AGXT2: variants seen among roughly 807,000 people sequenced by gnomAD.
AGXT2 encodes the protein alanine--glyoxylate aminotransferase 2, mitochondrial.
Under a neutral mutation model 62.5 loss-of-function variants are expected in AGXT2, and 61 were observed. The ratio of observed to expected loss-of-function variants is 0.98; its 90% CI spans 0.79 to 1.21. AGXT2 has a LOEUF of 1.21. Among genes scored for constraint, AGXT2 ranks in the 50% most tolerant of loss-of-function variants. The probability of loss-of-function intolerance (pLI) is 0.00; values close to 1 mark genes in which losing one functional copy is unlikely to be tolerated. For synonymous variants in AGXT2, 243 were observed against 218.7 expected (o/e 1.11, Z -0.98); for missense variants, 666 against 641.5 (o/e 1.04, Z -0.41).
intron 9 of AGXT2, among the ~76,000 whole-genome samples, chr5:35,023,649 A>T (rs1194015733): frequency 6.6e-6 from 1 of 152,046 alleles, no homozygotes; most frequent in Non-Finnish European, 1.5e-5. Context: ...TCATTTTTTT[A>T]AAGTAGCAGA....
chr5:35,043,924 T>G (rs1768088056), intron 1 of AGXT2, among the ~76,000 whole-genome samples: 1 of 152,138 alleles, frequency 6.6e-6, no homozygotes, highest in Non-Finnish European at 1.5e-5. Context: ...ACTTGTGAGA[T>G]CAAGCCATCT....
chr5:35,033,059 G>A (rs1394261814), intron 6 of AGXT2: 1 of 534,836 alleles, frequency 1.9e-6, no homozygotes, highest in Non-Finnish European at 3.4e-6. Flanking sequence ...GAAACAGCTT[G>A]CTCAAGGGTG....
chr5:35,040,476 C>A (rs1767942251), intron 2 of AGXT2, 99 bp downstream of exon 2: 6 of 1,136,202 alleles, frequency 5.3e-6, no homozygotes, highest in Admixed American at 5.2e-5. Flanking sequence ...AGTTTAGTGG[C>A]AAGCAGGGCT....
chr5:35,003,720 A>G, intron 13 of AGXT2, 43 bp downstream of exon 13: 1 of 1,531,820 alleles, frequency 6.5e-7, no homozygotes, highest in Non-Finnish European at 9.0e-7. Context: ...AATCAGAGAG[A>G]CTCCTACCTA....
chr5:35,041,475 C>T (rs1767989273), intron 1 of AGXT2, among the ~76,000 whole-genome samples: 1 of 152,142 alleles, frequency 6.6e-6, no homozygotes, highest in African/African-American at 2.4e-5. Flanking sequence ...CTGTTTTGCT[C>T]ATTCCTCAAC....
intron 1 of AGXT2, among the ~76,000 whole-genome samples, chr5:35,044,021 T>C (rs537618671): frequency 6.6e-6 from 1 of 152,292 alleles, no homozygotes; most frequent in African/African-American, 2.4e-5. Flanking sequence ...CATTTCTGTA[T>C]AGCATCTTAG....
intron 12 of AGXT2, among the ~76,000 whole-genome samples, chr5:35,005,822 G>A (rs1349441150): frequency 6.6e-6 from 1 of 152,028 alleles, no homozygotes; most frequent in Non-Finnish European, 1.5e-5. Context: ...ATGGACCATC[G>A]TGTTTATCTC....
intron 5 of AGXT2, 38 bp downstream of exon 5, chr5:35,035,184 C>A: frequency 6.5e-7 from 1 of 1,527,170 alleles, no homozygotes; most frequent in South Asian, 1.1e-5. Flanking sequence ...GGGGGTAAGT[C>A]AGTGTTCCTA....
At chr5:35,039,547 A>G (rs1340616320) in intron 2 of AGXT2, 39 bp from the exon 3 acceptor site, 1 of 1,596,320 alleles carries the variant, frequency 6.3e-7, no homozygotes, top group Non-Finnish European at 8.6e-7. Flanking sequence ...CACTTCTTAC[A>G]AGATCAATAG....
intron 11 of AGXT2, among the ~76,000 whole-genome samples, chr5:35,010,383 A>T (rs1766586656): frequency 6.6e-6 from 1 of 152,192 alleles, no homozygotes; most frequent in Non-Finnish European, 1.5e-5. Flanking sequence ...GTGGCTAAGT[A>T]TTTAGGAAAT....
Position 35,032,838 on chromosome 5 carries a change from A to G in AGXT2, c.676-13T>C, listed in dbSNP as rs1308530684. On this transcript the variant is annotated splice_polypyrimidine_tract_variant and intron_variant, in intron 6 of 13. Coordinates refer to ENST00000231420, the MANE Select transcript of AGXT2 (RefSeq NM_031900.4). Reference sequence around the variant, plus strand: ...CTGGACACATTGTCTGCAAATGACAAAAGAAGGAGTGTGGCAAAGCATGAA... The same window carrying G: ...CTGGACACATTGTCTGCAAATGACAGAAGAAGGAGTGTGGCAAAGCATGAA... The G allele has an allele frequency of 6.3e-7, 1 of 1,592,606 alleles. No individual in the cohort carries two copies. The highest frequency in any genetic ancestry group is 2.2e-5 in the East Asian group (1 of 44,462).
chr5:35,012,081 G>A (rs927088297), intron 11 of AGXT2, among the ~76,000 whole-genome samples: 6 of 151,998 alleles, frequency 3.9e-5, no homozygotes, highest in Non-Finnish European at 7.4e-5. Flanking sequence ...ACCCAGAAGC[G>A]GGGAAGCTGG....
chr5:35,026,357 T>C, intron 8 of AGXT2, 53 bp downstream of exon 8: 2 of 1,451,254 alleles, frequency 1.4e-6, no homozygotes, highest in Non-Finnish European at 1.9e-6. Context: ...GAGTTAAAAC[T>C]TTCTGATAAT....
At chr5:35,033,030 T>C (rs1255844928) in intron 6 of AGXT2, 4 of 573,148 alleles carry the variant, frequency 7.0e-6, no homozygotes, top group African/African-American at 1.9e-5. Context: ...CAAAGGAAAC[T>C]GATTTCAATG....
In AGXT2 at chr5:35,003,812, T is replaced by C; in HGVS notation, c.1388A>G (p.Asp463Gly). The change falls in exon 13 of 14, where the codon GAC becomes GGC. Residue 463 changes from aspartate (D) to glycine (G), a missense_variant. Physicochemically the swap from Asp to Gly is moderately conservative, Grantham distance 94 (BLOSUM62 -1). Transcript: ENST00000231420. Reference sequence around the variant, plus strand: ...AACGAGGAGTCCCATGTGCTTGCAGTCCTCATGGATCTGATTTACTTCTTC... The same window carrying C: ...AACGAGGAGTCCCATGTGCTTGCAGCCCTCATGGATCTGATTTACTTCTTC... The part of the protein sequence containing the change: ...PREEVNQIHE[D>G]CKHMGLLVGR... 6 of 1,614,224 alleles carry C rather than the reference T, an allele frequency of 3.7e-6. No homozygotes were observed. The highest frequency in any genetic ancestry group is 5.1e-6 in the Non-Finnish European group (6 of 1,180,038).
chr5:35,024,513 C>A (rs237553), intron 9 of AGXT2, among the ~76,000 whole-genome samples: 69,065 of 151,978 alleles, frequency 0.45, 16,060 homozygotes, highest in African/African-American at 0.53. Context: ...AACGAATTTT[C>A]TTCCCATTAA....
At chr5:35,033,374 C>T in intron 6 of AGXT2, 86 bp downstream of exon 6, 3 of 1,091,200 alleles carry the variant, frequency 2.7e-6, no homozygotes, top group Non-Finnish European at 4.2e-6. Flanking sequence ...ATATTAGTTT[C>T]TAATCCTTAT....
intron 9 of AGXT2, among the ~76,000 whole-genome samples, chr5:35,014,452 CAAAA>C (rs61052930): frequency 1.4e-4 from 12 of 86,254 alleles, no homozygotes; most frequent in Non-Finnish European, 1.7e-4. Flanking sequence ...GACTCCATCT[CAAAA>C]AAAAAAAAAA....
chr5:35,023,007 T>A (rs958370990), intron 9 of AGXT2, among the ~76,000 whole-genome samples: 1 of 142,362 alleles, frequency 7.0e-6, no homozygotes, highest in Non-Finnish European at 1.6e-5. Context: ...CTTCTGCAAA[T>A]TTTTTTTTTT....
Sources: allele counts gnomAD v4.1 joint callset (sites outside exome capture counted in the v4.1 genomes callset), GRCh38; gene constraint gnomAD v4.1.1; transcripts MANE v1.5; gene names NCBI Gene and HGNC (gene_info 2026-07-23, HGNC 2026-07-21).